Variants in ZMYND8 observed in about 807,000 individuals in gnomAD.
ZMYND8 encodes MYND-type zinc finger-containing chromatin reader ZMYND8.
A neutral mutation model predicts 140.8 loss-of-function variants in ZMYND8; 37 were observed. The observed-to-expected ratio is 0.26, with a 90% CI of 0.20 to 0.35. The LOEUF is 0.35. ZMYND8 is among the 10% of genes least tolerant of loss of function. The pLI is 1.00. For synonymous variants in ZMYND8, 592 were observed against 597.1 expected (o/e 0.99, Z 0.12); for missense variants, 1,068 against 1,570.0 (o/e 0.68, Z 5.40).
At chr20:47,334,801 G>A (rs926716069) in intron 2 of ZMYND8, among the ~76,000 whole-genome samples, 4 of 151,940 alleles carry the variant, frequency 2.6e-5, no homozygotes, top group Non-Finnish European at 2.9e-5. Flanking sequence ...AGTGGAGACA[G>A]GGTTTCACCA....
intron 12 of ZMYND8, among the ~76,000 whole-genome samples, chr20:47,260,342 G>A (rs561907219): frequency 2.7e-4 from 41 of 152,184 alleles, no homozygotes; most frequent in Non-Finnish European, 4.1e-4. Context: ...TCCCTCCTGC[G>A]CTGAACCCTC....
intron 8 of ZMYND8, among the ~76,000 whole-genome samples, chr20:47,284,362 G>A (rs2076793775): frequency 6.6e-6 from 1 of 152,202 alleles, no homozygotes; most frequent in African/African-American, 2.4e-5. Flanking sequence ...ACATAGCAAT[G>A]TCTAGAGGCA....
chr20:47,253,223 C>G (rs1222376672), intron 12 of ZMYND8, among the ~76,000 whole-genome samples: 1 of 152,200 alleles, frequency 6.6e-6, no homozygotes, highest in Non-Finnish European at 1.5e-5. Flanking sequence ...AGGGGAAGGC[C>G]TGGGCATCAG....
intron 12 of ZMYND8, among the ~76,000 whole-genome samples, chr20:47,249,911 C>A (rs2074032695): frequency 6.6e-6 from 1 of 152,052 alleles, no homozygotes; most frequent in Non-Finnish European, 1.5e-5. Context: ...TAATTGGGGG[C>A]CCTAAATGCC....
At chr20:47,259,054 CCCA>C (rs2074968112) in intron 12 of ZMYND8, among the ~76,000 whole-genome samples, 1 of 151,984 alleles carries the variant, frequency 6.6e-6, no homozygotes, top group Admixed American at 6.6e-5. Flanking sequence ...ACCTTTCACT[CCCA>C]CAACAGATCA....
chr20:47,341,024 A>G (rs2081830999), intron 2 of ZMYND8, among the ~76,000 whole-genome samples: 1 of 152,184 alleles, frequency 6.6e-6, no homozygotes, highest in Non-Finnish European at 1.5e-5. Flanking sequence ...AATGTACCAG[A>G]AAATAGTAAA....
At chr20:47,314,470 G>T (rs1182336328) in intron 2 of ZMYND8, among the ~76,000 whole-genome samples, 1 of 152,204 alleles carries the variant, frequency 6.6e-6, no homozygotes, top group Non-Finnish European at 1.5e-5. Flanking sequence ...CTGCACTCCA[G>T]CCTGGGCGAA....
chr20:47,327,084 G>A (rs1043556571), intron 2 of ZMYND8, among the ~76,000 whole-genome samples: 4 of 152,070 alleles, frequency 2.6e-5, no homozygotes, highest in African/African-American at 9.7e-5. Context: ...CAGCTGATGC[G>A]GTGAACCAGT....
intron 19 of ZMYND8, among the ~76,000 whole-genome samples, chr20:47,222,464 A>G (rs906136286): frequency 1.3e-5 from 2 of 152,136 alleles, no homozygotes; most frequent in African/African-American, 2.4e-5. Context: ...TGAGCCCGGG[A>G]GGCGGAGCTT....
Position 47,246,340 on chromosome 20 carries a change from G to A in ZMYND8, c.1952C>T (p.Ala651Val). Residue 651 changes from alanine (A) to valine (V), a missense_variant, in exon 14 of 23, where the codon GCT becomes GTT. Coordinates refer to ENST00000471951, the MANE Select transcript of ZMYND8 (RefSeq NM_001281775.3). ...EGCQMDKEPS[A>V]VKKKPKPTNP... Reference sequence around the variant, plus strand: ...TGTAGGCTTGGGCTTTTTTTTAACAGCAGATGGCTCTTTGTCCATCTGACA... The same window carrying A: ...TGTAGGCTTGGGCTTTTTTTTAACAACAGATGGCTCTTTGTCCATCTGACA... 3 of 1,613,910 alleles carry A rather than the reference G, an allele frequency of 1.9e-6. No individual in the cohort carries two copies. Among genetic ancestry groups the A allele is most frequent in the Non-Finnish European group, 1.7e-6 (2 of 1,179,964 alleles).
intron 11 of ZMYND8, among the ~76,000 whole-genome samples, chr20:47,270,580 G>A (rs370743273): frequency 3.3e-5 from 5 of 151,184 alleles, no homozygotes; most frequent in East Asian, 3.9e-4. Context: ...AAAGTTGATA[G>A]CTGGGTGTGG....
Position 47,293,068 on chromosome 20 carries a change from G to A in ZMYND8, c.568-1180C>T, listed in dbSNP as rs918752473. Among the ~76,000 whole-genome samples, 4 of 139,536 alleles carry A rather than the reference G, an allele frequency of 2.9e-5. No homozygotes were observed. In the South Asian group the frequency reaches 1.0e-3, roughly 37 times the overall value. 91.5% of individuals were successfully genotyped at this position (139,536 alleles called of 152,430 possible). On this transcript the variant is annotated intron_variant, in intron 5 of 22. Transcript: ENST00000471951. Reference sequence around the variant, plus strand: ...ACAGTCTGCCTCCAAAAAAAGAAAGGAAGGAAGGGAGGGAGGTAGGGAGGG... The same window carrying A: ...ACAGTCTGCCTCCAAAAAAAGAAAGAAAGGAAGGGAGGGAGGTAGGGAGGG...
chr20:47,232,897 GTTTT>G (rs144707608), intron 16 of ZMYND8, among the ~76,000 whole-genome samples: 1 of 70,126 alleles, frequency 1.4e-5, no homozygotes, highest in Non-Finnish European at 3.0e-5. Context: ...GTTTTTTTTT[GTTTT>G]TTTTGTTTTT....
At chr20:47,245,478 T>C (rs2040456254) in intron 14 of ZMYND8, among the ~76,000 whole-genome samples, 1 of 152,084 alleles carries the variant, frequency 6.6e-6, no homozygotes, top group South Asian at 2.1e-4. Flanking sequence ...ACTCCTGACC[T>C]CAAATGATCC....
At chr20:47,247,277 G>C (rs1435019018) in intron 13 of ZMYND8, among the ~76,000 whole-genome samples, 1 of 152,218 alleles carries the variant, frequency 6.6e-6, no homozygotes, top group African/African-American at 2.4e-5. Context: ...GCCAGGCATT[G>C]GCTGGAACAG....
At chr20:47,322,568 G>A (rs575542784) in intron 2 of ZMYND8, among the ~76,000 whole-genome samples, 1 of 151,096 alleles carries the variant, frequency 6.6e-6, no homozygotes, top group East Asian at 2.0e-4. Context: ...AGTCTCCCAA[G>A]TAGCTGGGAC....
At chr20:47,302,225 A>G (rs1444466972) in intron 3 of ZMYND8, among the ~76,000 whole-genome samples, 2 of 152,106 alleles carry the variant, frequency 1.3e-5, no homozygotes, top group African/African-American at 4.8e-5. Flanking sequence ...CTGTAATGTC[A>G]GCACTTTGGG....
intron 14 of ZMYND8, among the ~76,000 whole-genome samples, chr20:47,244,810 A>T (rs1036322117): frequency 6.6e-6 from 1 of 152,196 alleles, no homozygotes; most frequent in Non-Finnish European, 1.5e-5. Flanking sequence ...TAATCCCAGC[A>T]CTTTAGGAGG....
intron 2 of ZMYND8, among the ~76,000 whole-genome samples, chr20:47,338,442 T>A (rs1290761380): frequency 1.3e-5 from 2 of 150,654 alleles, no homozygotes; most frequent in Non-Finnish European, 2.9e-5. Context: ...AAAAAAAACA[T>A]GTTCACTGAG....
Sources: allele counts gnomAD v4.1 joint callset (sites outside exome capture counted in the v4.1 genomes callset), GRCh38; gene constraint gnomAD v4.1.1; transcripts MANE v1.5; gene names NCBI Gene and HGNC (gene_info 2026-07-23, HGNC 2026-07-21).